The following PYM1 variants were observed in gnomAD, a reference collection of about 807,000 sequenced individuals.
PYM1 encodes PYM1 exon junction complex associated factor.
A neutral mutation model predicts 20.7 loss-of-function variants in PYM1; 7 were observed. The ratio of observed to expected loss-of-function variants is 0.34; its 90% CI spans 0.19 to 0.64. The LOEUF (loss-of-function observed/expected upper bound fraction) is 0.64, where lower values mean the gene tolerates loss of function less well. PYM1 is among the 30% of genes least tolerant of loss of function. The pLI is 0.74. For missense variants in PYM1, 194 were observed against 250.0 expected, an observed-to-expected ratio of 0.78 and a Z score of 1.51; for synonymous variants, 100 against 99.2, an observed-to-expected ratio of 1.01 and a Z score of -0.05.
intron 1 of PYM1, among the ~76,000 whole-genome samples, chr12:55,915,701 A>C (rs993477116): frequency 6.6e-5 from 10 of 152,204 alleles, no homozygotes; most frequent in African/African-American, 2.4e-4. Flanking sequence ...AGCAAAGCAT[A>C]AGACAAAAGT....
chr12:55,924,359 C>G (rs1258229469), intron 1 of PYM1, among the ~76,000 whole-genome samples: 1 of 152,092 alleles, frequency 6.6e-6, no homozygotes, highest in East Asian at 1.9e-4. Context: ...TTCGAGAAAT[C>G]TGGGGCCAGG....
At position 55,907,894 on chromosome 12, in the gene PYM1, T is replaced by C. The variant is rs1175763236; in HGVS notation, c.38-4414A>G. On this transcript the variant is annotated intron_variant, in intron 1 of 2. Coordinates refer to ENST00000408946, the MANE Select transcript of PYM1 (RefSeq NM_032345.3). Reference sequence around the variant, plus strand: ...GTGGGGTTGCAGTAGGTCAAGATCATGTCATTGCACTCCAACCTGGGCAAC... The same window carrying C: ...GTGGGGTTGCAGTAGGTCAAGATCACGTCATTGCACTCCAACCTGGGCAAC... Among the ~76,000 whole-genome samples, 2 of 151,366 alleles carry C rather than the reference T, an allele frequency of 1.3e-5. 1 individual carries two copies. The highest frequency in any genetic ancestry group is 2.9e-5 in the Non-Finnish European group (2 of 67,906).
chr12:55,906,410 T>C, intron 1 of PYM1, among the ~76,000 whole-genome samples: 1 of 152,148 alleles, frequency 6.6e-6, no homozygotes, highest in Non-Finnish European at 1.5e-5. Flanking sequence ...AAATGATTAG[T>C]ATAATTTGGT....
At chr12:55,927,644 G>C in intron 1 of PYM1, 81 bp downstream of exon 1, 1 of 1,509,734 alleles carries the variant, frequency 6.6e-7, no homozygotes, top group Non-Finnish European at 8.9e-7. Flanking sequence ...TTCGTGTGCC[G>C]ATTGCTGTCG....
At position 55,927,862 on chromosome 12, in the gene PYM1, G is replaced by A. The variant is rs1883225811; in HGVS notation, c.-101C>T. On this transcript the variant is annotated 5_prime_UTR_variant, in exon 1 of 3. Transcript: ENST00000408946. Reference sequence around the variant, plus strand: ...CGGCGGCGAAGTGATGAGGGCCCTAGTTGCTTCTCGCCCAGACCTCCTAAC... The same window carrying A: ...CGGCGGCGAAGTGATGAGGGCCCTAATTGCTTCTCGCCCAGACCTCCTAAC... 1.4e-6 allele frequency: 2 copies of A among 1,446,954 alleles called. No homozygotes were observed. Among genetic ancestry groups the A allele is most frequent in the Non-Finnish European group, 1.8e-6 (2 of 1,082,364 alleles). The allele number at this position is 1,446,954 out of a possible 1,614,324, so 89.6% of individuals were successfully genotyped here. A position where few individuals can be genotyped will look rare whatever the true frequency, so the allele number is the denominator to read the frequency against.
chr12:55,915,450 C>A (rs1379339782), intron 1 of PYM1, among the ~76,000 whole-genome samples: 2 of 151,468 alleles, frequency 1.3e-5, no homozygotes, highest in African/African-American at 4.9e-5. Context: ...CACCTGTAAT[C>A]CCAGCTACTC....
chr12:55,924,708 G>A (rs1289437886), intron 1 of PYM1, among the ~76,000 whole-genome samples: 1 of 152,044 alleles, frequency 6.6e-6, no homozygotes, highest in Non-Finnish European at 1.5e-5. Flanking sequence ...ACAGAGTCTC[G>A]CTCTGTCGCC....
intron 1 of PYM1, among the ~76,000 whole-genome samples, chr12:55,916,739 G>C (rs1432946428): frequency 6.6e-6 from 1 of 151,958 alleles, no homozygotes; most frequent in Non-Finnish European, 1.5e-5. Context: ...TGGATGTTGC[G>C]GTGAGCCGAG....
intron 2 of PYM1, 98 bp downstream of exon 2, chr12:55,903,289 G>A: frequency 9.3e-7 from 1 of 1,077,784 alleles, no homozygotes. Context: ...TTTCCTTGGG[G>A]CTTAGGAGAG....
In PYM1 at chr12:55,901,446, T is replaced by A. The variant is rs1242971220; in HGVS notation, c.*426A>T. 6.3e-6 allele frequency: 1 copy of A among 159,430 alleles called. No homozygotes were observed. The highest frequency in any genetic ancestry group is 1.4e-5 in the Non-Finnish European group (1 of 72,628). 9.9% of individuals were successfully genotyped at this position (159,430 alleles called of 1,614,324 possible). ...TACTTGTGTTTATTCTCATTTTTGC[T>A]TTTTTTAAAAAAAAAAAAAAAATGA... On this transcript the variant is annotated 3_prime_UTR_variant, in exon 3 of 3. Transcript: ENST00000408946.
intron 1 of PYM1, among the ~76,000 whole-genome samples, chr12:55,922,166 C>T (rs1565718569): frequency 3.3e-5 from 5 of 152,070 alleles, no homozygotes; most frequent in Admixed American, 1.3e-4. Flanking sequence ...ATGCCCAGCC[C>T]TTAATCTCTT....
At chr12:55,905,451 C>T (rs1292905905) in intron 1 of PYM1, among the ~76,000 whole-genome samples, 1 of 150,994 alleles carries the variant, frequency 6.6e-6, no homozygotes, top group African/African-American at 2.4e-5. Flanking sequence ...CCTGTAATCC[C>T]AACACTTTGA....
intron 1 of PYM1, among the ~76,000 whole-genome samples, chr12:55,924,169 A>C (rs753102212): frequency 2.0e-5 from 3 of 152,138 alleles, no homozygotes; most frequent in Non-Finnish European, 2.9e-5. Flanking sequence ...AAAAACTGAT[A>C]CTGGTTTTGG....
chr12:55,908,257 A>AG (rs1004433111), intron 1 of PYM1, among the ~76,000 whole-genome samples: 4 of 150,660 alleles, frequency 2.7e-5, no homozygotes, highest in African/African-American at 9.8e-5. Flanking sequence ...AGTAAAAATA[A>AG]GTAAAATAAA....
In PYM1 at chr12:55,902,244, T is replaced by G; in HGVS notation, c.243A>C (p.Pro81=). 3 of 1,614,212 alleles carry G rather than the reference T, an allele frequency of 1.9e-6. No individual in the cohort carries two copies. The highest frequency in any genetic ancestry group is 2.5e-6 in the Non-Finnish European group (3 of 1,180,030). ...TACGTTTGGCTGTCTTGGAGAGGCC[T>G]GGTTCACCACCTTCAGGCCTGGATG... ...VTPSRPEGGE[P]GLSKTAKRNL... is the part of the protein sequence containing the mutation. The change falls in exon 3 of 3, where the codon CCA becomes CCC. Residue 81 remains proline (P), a synonymous_variant. Coordinates refer to ENST00000408946, the MANE Select transcript of PYM1 (RefSeq NM_032345.3).
intron 1 of PYM1, among the ~76,000 whole-genome samples, chr12:55,904,222 C>T (rs965359444): frequency 6.6e-6 from 1 of 151,820 alleles, no homozygotes; most frequent in Non-Finnish European, 1.5e-5. Flanking sequence ...CCGCCTCGGC[C>T]TCCCAAATTG....
chr12:55,916,077 G>A (rs1208918511), intron 1 of PYM1, among the ~76,000 whole-genome samples: 1 of 152,256 alleles, frequency 6.6e-6, no homozygotes, highest in African/African-American at 2.4e-5. Context: ...GCTCACGCCT[G>A]TAATCCCAGC....
At chr12:55,914,146 G>A in intron 1 of PYM1, 1 of 549,686 alleles carries the variant, frequency 1.8e-6, no homozygotes, top group Non-Finnish European at 3.3e-6. Context: ...TGATTGCATA[G>A]AGATTATAGC....
chr12:55,906,713 GTC>G (rs1405086220), intron 1 of PYM1, among the ~76,000 whole-genome samples: 4 of 151,972 alleles, frequency 2.6e-5, no homozygotes, highest in Admixed American at 2.6e-4. Context: ...CAATGGTGCA[GTC>G]TCGGCTCACT....
Sources: gnomAD v4.1 joint callset for allele counts (sites outside exome capture counted in the v4.1 genomes callset) on GRCh38, gnomAD v4.1.1 for gene constraint, MANE v1.5 for transcripts, NCBI Gene and HGNC (gene_info 2026-07-23, HGNC 2026-07-21) for gene names.